Variants in NPM1 observed in about 807,000 individuals in gnomAD.
NPM1 encodes nucleophosmin.
A neutral mutation model predicts 44.1 loss-of-function variants in NPM1; 1 was observed. The ratio of observed to expected loss-of-function variants is 0.02; its 90% CI spans 0.01 to 0.11. The LOEUF (loss-of-function observed/expected upper bound fraction) is 0.11, where lower values mean the gene tolerates loss of function less well. NPM1 is among the 10% of genes least tolerant of loss of function. The pLI is 1.00. For missense variants in NPM1, 197 were observed against 347.8 expected (o/e 0.57, Z 3.45); for synonymous variants, 126 against 111.8 (o/e 1.13, Z -0.80).
At chr5:171,387,802 C>A (rs1770304032), upstream of NPM1, 2 of 738,000 alleles carry the variant, frequency 2.7e-6, no homozygotes, top group Non-Finnish European at 4.6e-6. Context: ...TTGGGAAGCG[C>A]TCGCGAGATC....
chr5:171,401,732 A>T (rs1771213506), intron 8 of NPM1, among the ~76,000 whole-genome samples: 1 of 152,072 alleles, frequency 6.6e-6, no homozygotes, highest in Non-Finnish European at 1.5e-5. Context: ...CCTGGCCTGA[A>T]TTTTTTGTGA....
chr5:171,407,979 A>T (rs578225871), intron 10 of NPM1, among the ~76,000 whole-genome samples: 2 of 152,252 alleles, frequency 1.3e-5, no homozygotes, highest in East Asian at 3.9e-4. Context: ...TAACTTTAGT[A>T]TATTTTTCCC....
intron 8 of NPM1, among the ~76,000 whole-genome samples, chr5:171,403,781 A>AG (rs1771393590): frequency 2.0e-5 from 2 of 98,640 alleles, no homozygotes; most frequent in Non-Finnish European, 4.2e-5. Flanking sequence ...GGCCGGGCAG[A>AG]GGGGCTCCTC....
At chr5:171,400,965 T>C (rs1158901652) in intron 8 of NPM1, 40 bp downstream of exon 8, 31 of 1,362,544 alleles carry the variant, frequency 2.3e-5, no homozygotes, top group Non-Finnish European at 3.2e-5. Context: ...ATTGATCTAG[T>C]TGGGGAAAAA....
At chr5:171,388,124 A>C (rs1158679821) in intron 1 of NPM1, 118 bp downstream of exon 1, 4 of 918,160 alleles carry the variant, frequency 4.4e-6, no homozygotes, top group Non-Finnish European at 6.8e-6. Flanking sequence ...GACCGACGGG[A>C]GGCCTGAGCG....
chr5:171,393,501 A>C (rs1770704671), intron 6 of NPM1, among the ~76,000 whole-genome samples: 1 of 152,246 alleles, frequency 6.6e-6, no homozygotes, highest in Admixed American at 6.5e-5. Flanking sequence ...ATGGTTGGAA[A>C]CAATATTTGA....
In NPM1 at chr5:171,407,780, T is replaced by G. The variant is rs770591020; in HGVS notation, c.846+6T>G. ...TCCGGATGACTGACCAAGAGGTAAC[T>G]GGATTTTCTGGGGACATGATTAAAT... On this transcript the variant is annotated splice_donor_region_variant and intron_variant, in intron 10 of 10. Transcript: ENST00000296930. The G allele has an allele frequency of 5.2e-5, 82 of 1,572,156 alleles. No homozygotes were observed. The highest frequency in any genetic ancestry group is 1.7e-4 in the Middle Eastern group (1 of 6,016).
chr5:171,407,966 T>G (rs1035606458), intron 10 of NPM1, among the ~76,000 whole-genome samples, 192 bp downstream of exon 10: 4 of 152,312 alleles, frequency 2.6e-5, no homozygotes, highest in Middle Eastern at 3.4e-3. Context: ...CAGTCTGAGA[T>G]GATAACTTTA....
At chr5:171,393,244 T>C (rs142150366) in intron 6 of NPM1, among the ~76,000 whole-genome samples, 1 of 152,290 alleles carries the variant, frequency 6.6e-6, no homozygotes, top group East Asian at 1.9e-4. Context: ...GAAGTTTGAT[T>C]ATGTCCCTTT....
intron 8 of NPM1, among the ~76,000 whole-genome samples, chr5:171,401,289 T>G (rs1207965525): frequency 6.6e-6 from 1 of 150,540 alleles, no homozygotes; most frequent in African/African-American, 2.4e-5. Flanking sequence ...ACCTGGGAGG[T>G]GGAGTGCAGT....
rs1437363306 is a variant in NPM1 at position 171,388,133 on chromosome 5, C to T, written c.58+127C>T. 17 of 858,188 alleles carry T rather than the reference C, an allele frequency of 2.0e-5. No homozygotes were observed. In the East Asian group the frequency reaches 3.8e-4, roughly 19 times the overall value. 53.2% of individuals were successfully genotyped at this position (858,188 alleles called of 1,614,324 possible). A position where few individuals can be genotyped will look rare whatever the true frequency, so the allele number is the denominator to read the frequency against. ...CCGCCAGACCGACGGGAGGCCTGAG[C>T]GGGTGGGAAGAGCTGCCTGAGCCCT... On this transcript the variant is annotated intron_variant, in intron 1 of 10. Transcript: ENST00000296930.
intron 6 of NPM1, among the ~76,000 whole-genome samples, chr5:171,395,656 C>A (rs181847729): frequency 1.3e-5 from 2 of 152,232 alleles, no homozygotes; most frequent in East Asian, 1.9e-4. Flanking sequence ...ATAGAAACTT[C>A]AGTGGTGAGA....
chr5:171,402,393 C>T (rs1771261899), intron 8 of NPM1, among the ~76,000 whole-genome samples: 1 of 151,066 alleles, frequency 6.6e-6, no homozygotes, highest in Non-Finnish European at 1.5e-5. Context: ...GGAATGCTTA[C>T]ACACTCTTGG....
At chr5:171,391,272 AAAGTTG>A in intron 2 of NPM1, 27 bp from the exon 3 acceptor site, 1 of 1,601,684 alleles carries the variant, frequency 6.2e-7, no homozygotes, top group South Asian at 1.1e-5. Flanking sequence ...GTGGAACTCA[AAAGTTG>A]AAGTAGTATT....
At chr5:171,387,599 G>A, upstream of NPM1, 1 of 291,060 alleles carries the variant, frequency 3.4e-6, no homozygotes. Flanking sequence ...CGACTGGAAA[G>A]CACGCGTGCG....
At chr5:171,387,282 C>T (rs528221924), upstream of NPM1, 1 of 152,882 alleles carries the variant, frequency 6.5e-6, no homozygotes, top group African/African-American at 2.4e-5. Flanking sequence ...AAAGAATAAG[C>T]CGCAATTCAC....
rs771198652 is a variant in NPM1 at position 171,400,177 on chromosome 5, T to C, written c.549T>C (p.Asp183=). 1.4e-5 allele frequency: 23 copies of C among 1,604,228 alleles called. No homozygotes were observed. Among genetic ancestry groups the C allele is most frequent in the Non-Finnish European group, 1.9e-5 (22 of 1,171,334 alleles). ...GTGATGATGATGATGATTTTGATGA[T>C]GAGGAAGCTGAAGAAAAAGCGCCAG... ...DEDDDDDDFD[D]EEAEEKAPVK... The change falls in exon 7 of 11, where the codon GAT becomes GAC. Residue 183 remains aspartate (D), a synonymous_variant. Coordinates refer to ENST00000296930, the MANE Select transcript of NPM1 (RefSeq NM_002520.7).
At chr5:171,387,811 T>A, upstream of NPM1, 1 of 763,304 alleles carries the variant, frequency 1.3e-6, no homozygotes, top group Admixed American at 2.4e-5. Context: ...GCTCGCGAGA[T>A]CTTCAGGGTC....
At chr5:171,391,498 G>T in intron 3 of NPM1, 74 bp downstream of exon 3, 1 of 1,568,448 alleles carries the variant, frequency 6.4e-7, no homozygotes, top group Non-Finnish European at 8.7e-7. Flanking sequence ...GTGTCATTTA[G>T]TTGTGCCAAG....
Sources: allele counts gnomAD v4.1 joint callset (sites outside exome capture counted in the v4.1 genomes callset), GRCh38; gene constraint gnomAD v4.1.1; transcripts MANE v1.5; gene names NCBI Gene and HGNC (gene_info 2026-07-23, HGNC 2026-07-21).